Variants in SPATA7 observed in about 807,000 individuals in gnomAD.
SPATA7 encodes spermatogenesis associated 7.
A neutral mutation model predicts 51.8 loss-of-function variants in SPATA7; 43 were observed. The ratio of observed to expected loss-of-function variants is 0.83; its 90% CI spans 0.65 to 1.07. SPATA7 has a LOEUF of 1.07. SPATA7 is among the 50% of genes least tolerant of loss of function. SPATA7 has a pLI of 0.00. For missense variants in SPATA7, 683 were observed against 701.3 expected, an observed-to-expected ratio of 0.97 and a Z score of 0.30; for synonymous variants, 230 against 252.8, an observed-to-expected ratio of 0.91 and a Z score of 0.86.
At chr14:88,406,242 T>G (rs1020478528) in intron 4 of SPATA7, among the ~76,000 whole-genome samples, 1 of 152,064 alleles carries the variant, frequency 6.6e-6, no homozygotes, top group Non-Finnish European at 1.5e-5. Flanking sequence ...TTTAAATAAT[T>G]TAATTTTTAT....
downstream of SPATA7, among the ~76,000 whole-genome samples, chr14:88,459,442 C>G (rs543933436): frequency 1.3e-5 from 2 of 152,270 alleles, no homozygotes; most frequent in East Asian, 3.9e-4. Flanking sequence ...ATAATTAGCT[C>G]TTCTTGTTGA....
intron 4 of SPATA7, among the ~76,000 whole-genome samples, chr14:88,463,455 A>G (rs2077330320): frequency 6.6e-6 from 1 of 152,180 alleles, no homozygotes; most frequent in Non-Finnish European, 1.5e-5. Flanking sequence ...CCACTGCCCG[A>G]CAGGAGTATT....
downstream of SPATA7, among the ~76,000 whole-genome samples, chr14:88,458,960 T>C (rs2077301247): frequency 6.6e-6 from 1 of 152,248 alleles, no homozygotes; most frequent in South Asian, 2.1e-4. Context: ...TCTTTATTTC[T>C]GCCTTAATTT....
Position 88,403,536 on chromosome 14 carries a change from C to T in SPATA7, c.238+7333C>T, listed in dbSNP as rs574614040. Among the ~76,000 whole-genome samples the T allele has an allele frequency of 2.2e-4, 34 of 152,274 alleles. 1 individual carries two copies. In the South Asian group the frequency reaches 6.0e-3, roughly 27 times the overall value. On this transcript the variant is annotated intron_variant, in intron 4 of 11. Transcript: ENST00000393545. ...CATACACAGACACATGCAAAACCCA[C>T]ACCACATAGCCTTTAAAAAGAAGGA...
chr14:88,435,849 T>A (rs1249219073), intron 10 of SPATA7, among the ~76,000 whole-genome samples: 1 of 152,196 alleles, frequency 6.6e-6, no homozygotes, highest in Non-Finnish European at 1.5e-5. Flanking sequence ...CTTAGTTGCT[T>A]CCAAATCTTA....
intron 4 of SPATA7, among the ~76,000 whole-genome samples, chr14:88,403,693 G>C (rs2076130734): frequency 1.3e-5 from 2 of 152,156 alleles, no homozygotes; most frequent in African/African-American, 4.8e-5. Context: ...GCAATCTAAA[G>C]TGGGCAACCT....
At chr14:88,464,495 C>A (rs1393086343) in intron 4 of SPATA7, among the ~76,000 whole-genome samples, 2 of 152,240 alleles carry the variant, frequency 1.3e-5, no homozygotes, top group Non-Finnish European at 2.9e-5. Context: ...CTTTGGGAGG[C>A]CGATGCTGGC....
intron 5 of SPATA7, 72 bp downstream of exon 5, chr14:88,416,916 GT>G: frequency 7.3e-7 from 1 of 1,362,216 alleles, no homozygotes; most frequent in Non-Finnish European, 1.0e-6. Flanking sequence ...ATCTGACTTT[GT>G]TTACTATAGT....
intron 4 of SPATA7, among the ~76,000 whole-genome samples, chr14:88,402,657 A>G (rs2076093835): frequency 6.6e-6 from 1 of 152,174 alleles, no homozygotes; most frequent in Admixed American, 6.5e-5. Context: ...AATCAGCTCA[A>G]AATGGATTTA....
At chr14:88,393,833 AT>A (rs1435875232) in intron 3 of SPATA7, among the ~76,000 whole-genome samples, 4 of 151,976 alleles carry the variant, frequency 2.6e-5, no homozygotes, top group Non-Finnish European at 4.4e-5. Context: ...TTTCTGTTTA[AT>A]TTTTTTCTTT....
intron 4 of SPATA7, among the ~76,000 whole-genome samples, chr14:88,399,075 A>T (rs1274788136): frequency 6.6e-6 from 1 of 152,080 alleles, no homozygotes; most frequent in East Asian, 1.9e-4. Context: ...AAGAAAAAAA[A>T]GTAAATATCA....
intron 4 of SPATA7, among the ~76,000 whole-genome samples, chr14:88,460,544 T>C (rs2077310742): frequency 1.3e-5 from 2 of 152,260 alleles, no homozygotes; most frequent in South Asian, 2.1e-4. Context: ...TCTCTTGCCA[T>C]GTTTTTCAGC....
chr14:88,420,029 G>A (rs1197259118), intron 5 of SPATA7, among the ~76,000 whole-genome samples: 1 of 152,072 alleles, frequency 6.6e-6, no homozygotes, highest in Non-Finnish European at 1.5e-5. Flanking sequence ...CTGTTATGTG[G>A]CAAAAGTGAA....
rs994598565 is a variant in SPATA7, at chr14:88,445,826, G to T, written c.177+7923G>T. Among the ~76,000 whole-genome samples, 4 of 152,236 alleles carry T rather than the reference G, an allele frequency of 2.6e-5. No homozygotes were observed. In the South Asian group the frequency reaches 8.3e-4, roughly 32 times the overall value. The stretch of plus-strand genomic sequence containing the variant: ...TATATTGAACCAGCCTTGCATCCCA[G>T]GGATGAAGCCCACTTGATCATGGTG... On this transcript the variant is annotated intron_variant, in intron 3 of 3. Coordinates refer to the SPATA7 transcript ENST00000554802.
At chr14:88,464,065 T>C (rs1028758958) in intron 4 of SPATA7, among the ~76,000 whole-genome samples, 37 of 152,162 alleles carry the variant, frequency 2.4e-4, no homozygotes, top group African/African-American at 7.9e-4. Flanking sequence ...GGTCTCATAC[T>C]CCTGACATCG....
chr14:88,412,932 T>C (rs1347443790), intron 4 of SPATA7, among the ~76,000 whole-genome samples: 3 of 152,238 alleles, frequency 2.0e-5, no homozygotes, highest in Non-Finnish European at 4.4e-5. Context: ...TTTATAGTTT[T>C]AGGTCTTACA....
intron 4 of SPATA7, among the ~76,000 whole-genome samples, chr14:88,404,559 A>G (rs1035487099): frequency 2.5e-4 from 38 of 152,168 alleles, no homozygotes; most frequent in Admixed American, 5.9e-4. Context: ...TCTACTAAAA[A>G]TACAGAAATT....
chr14:88,389,194 C>T (rs2075669819), intron 1 of SPATA7, among the ~76,000 whole-genome samples: 2 of 151,742 alleles, frequency 1.3e-5, no homozygotes, highest in Admixed American at 6.6e-5. Context: ...CTTATTTCTC[C>T]CCTCAATTCT....
At chr14:88,434,753 T>C (rs932428678) in intron 10 of SPATA7, among the ~76,000 whole-genome samples, 4 of 151,830 alleles carry the variant, frequency 2.6e-5, no homozygotes, top group African/African-American at 9.7e-5. Context: ...TATGTATTGT[T>C]TAATTACAAG....
Sources: gnomAD v4.1 joint callset for allele counts (sites outside exome capture counted in the v4.1 genomes callset) on GRCh38, gnomAD v4.1.1 for gene constraint, MANE v1.5 for transcripts, NCBI Gene and HGNC (gene_info 2026-07-23, HGNC 2026-07-21) for gene names.